The following ANKRD6 variants were observed in gnomAD, a reference collection of about 807,000 sequenced individuals.
The protein encoded by ANKRD6 is ankyrin repeat domain 6.
Under a neutral mutation model 82.3 loss-of-function variants are expected in ANKRD6, and 56 were observed. That is an observed-to-expected ratio of 0.68 (90% CI 0.55 to 0.85). The LOEUF is 0.85. Among genes scored for constraint, ANKRD6 ranks in the 40% least tolerant of loss-of-function variants. The pLI, the probability that ANKRD6 is intolerant of heterozygous loss-of-function variation, is 0.00. For missense variants in ANKRD6, 852 were observed against 907.6 expected, an observed-to-expected ratio of 0.94 and a Z score of 0.79; for synonymous variants, 347 against 352.1, an observed-to-expected ratio of 0.99 and a Z score of 0.16.
chr6:89,573,555 C>A (rs867622748), intron 2 of ANKRD6, among the ~76,000 whole-genome samples: 1 of 152,114 alleles, frequency 6.6e-6, no homozygotes, highest in South Asian at 2.1e-4. Flanking sequence ...TGTATTAGAT[C>A]CCTGTTTGCT....
chr6:89,596,032 T>G lies in ANKRD6; in HGVS notation c.219+18T>G. ...AGGATGATGTGAGTAGAAGCCATCA[T>G]TCTATCAGGCTGAGTTGGCAGGGGA... On this transcript the variant is annotated intron_variant, in intron 3 of 15. Transcript: ENST00000339746. 2 of 1,593,966 alleles carry G rather than the reference T, an allele frequency of 1.3e-6. No individual in the cohort carries two copies. Among genetic ancestry groups the G allele is most frequent in the Non-Finnish European group, 1.7e-6 (2 of 1,168,988 alleles).
intron 5 of ANKRD6, among the ~76,000 whole-genome samples, chr6:89,607,017 A>G (rs925274369): frequency 2.6e-5 from 4 of 152,102 alleles, no homozygotes; most frequent in Non-Finnish European, 5.9e-5. Context: ...TAAAAATACA[A>G]AAAATTAGCT....
intron 2 of ANKRD6, among the ~76,000 whole-genome samples, chr6:89,570,710 A>G (rs948073037): frequency 1.3e-5 from 2 of 152,224 alleles, no homozygotes; most frequent in Non-Finnish European, 2.9e-5. Flanking sequence ...CTCATGTAGC[A>G]TGTACCAGAA....
chr6:89,602,800 C>G, intron 3 of ANKRD6: 1 of 523,626 alleles, frequency 1.9e-6, no homozygotes, highest in East Asian at 3.1e-5. Context: ...TTGCTGTCGG[C>G]TTAAGGTCCC....
chr6:89,492,003 CAT>C (rs914116976), intron 1 of ANKRD6, among the ~76,000 whole-genome samples: 10 of 152,186 alleles, frequency 6.6e-5, no homozygotes, highest in African/African-American at 1.7e-4. Context: ...TAAAAAAATA[CAT>C]GTTTCCCTAT....
At chr6:89,578,183 A>G (rs896511481) in intron 2 of ANKRD6, among the ~76,000 whole-genome samples, 1 of 151,460 alleles carries the variant, frequency 6.6e-6, no homozygotes, top group Admixed American at 6.6e-5. Flanking sequence ...CCACAAATGT[A>G]TGCTTTCATT....
intron 1 of ANKRD6, among the ~76,000 whole-genome samples, chr6:89,451,817 G>A (rs953130933): frequency 6.6e-6 from 1 of 152,074 alleles, no homozygotes; most frequent in Non-Finnish European, 1.5e-5. Flanking sequence ...GGACTTCTGT[G>A]GTTTCTTATT....
intron 1 of ANKRD6, among the ~76,000 whole-genome samples, chr6:89,523,288 A>T (rs2127973647): frequency 6.6e-6 from 1 of 152,294 alleles, no homozygotes; most frequent in South Asian, 2.1e-4. Context: ...CCTTCATGGG[A>T]AAGGCCAGGG....
chr6:89,612,324 C>T lies in ANKRD6; in HGVS notation c.470C>T (p.Thr157Met), dbSNP rs563658021. The T allele has an allele frequency of 2.6e-5, 41 of 1,566,160 alleles. No individual in the cohort carries two copies. In the East Asian group the frequency reaches 3.3e-4, roughly 13 times the overall value. The change falls in exon 6 of 16, where the codon ACG (threonine) becomes ATG (methionine). Residue 157 changes from threonine to methionine, a missense_variant. Coordinates refer to ENST00000339746, the MANE Select transcript of ANKRD6 (RefSeq NM_001242809.2). ...TGCCAGAACAGCCACTCCCAGAGCA[C>T]GCGCGTCCTCCTGCTGGCCGGGTCC... is the stretch of plus-strand genomic sequence containing the variant. ...LACQNSHSQSTRVLLLAGSRA... is the reference protein window; with the variant it reads ...LACQNSHSQSMRVLLLAGSRA...
At chr6:89,618,155 G>C (rs1258884237) in intron 9 of ANKRD6, 124 bp downstream of exon 9, 1 of 1,050,382 alleles carries the variant, frequency 9.5e-7, no homozygotes, top group Non-Finnish European at 1.5e-6. Flanking sequence ...CCAGGCAGTG[G>C]AGGTATAGGC....
chr6:89,471,963 A>AAG lies in ANKRD6; in HGVS notation c.-144+38600_-144+38601dup, dbSNP rs1219754877. The stretch of plus-strand genomic sequence containing the variant: ...TCAAAAAAAAAAAAAAAAAAAAAAA[A>AAG]AGAGAGAGAGAGAAGGAGGAGAGAA... On this transcript the variant is annotated intron_variant, in intron 1 of 15. Coordinates refer to ENST00000339746, the MANE Select transcript of ANKRD6 (RefSeq NM_001242809.2). Among the ~76,000 whole-genome samples the AAG allele has an allele frequency of 7.4e-3, 1,064 of 143,280 alleles. 19 individuals carry two copies. Among genetic ancestry groups the AAG allele is most frequent in the African/African-American group, 0.012 (441 of 36,898 alleles). The allele number at this position is 143,280 out of a possible 152,430, so 94.0% of individuals were successfully genotyped here. A position where few individuals can be genotyped will look rare whatever the true frequency, so the allele number is the denominator to read the frequency against.
chr6:89,624,157 C>A, intron 12 of ANKRD6, 100 bp downstream of exon 12: 1 of 1,316,594 alleles, frequency 7.6e-7, no homozygotes, highest in Non-Finnish European at 1.0e-6. Flanking sequence ...TAGGCATTGA[C>A]TTAGTTGAGC....
intron 1 of ANKRD6, among the ~76,000 whole-genome samples, chr6:89,434,221 G>C (rs939672200): frequency 5.3e-5 from 8 of 152,154 alleles, no homozygotes; most frequent in Non-Finnish European, 8.8e-5. Context: ...CTAAACTGCA[G>C]GTATTGTACA....
intron 1 of ANKRD6, among the ~76,000 whole-genome samples, chr6:89,435,369 A>G (rs892092658): frequency 6.6e-6 from 1 of 152,094 alleles, no homozygotes; most frequent in African/African-American, 2.4e-5. Flanking sequence ...CCTCCCACCC[A>G]AGGAACCACT....
rs2128289539 is a variant in ANKRD6 at position 89,631,351 on chromosome 6, A to G, written c.*347A>G. On this transcript the variant is annotated 3_prime_UTR_variant, in exon 16 of 16. Transcript: ENST00000339746. ...CTCTAAAATTCAAGATGTGTGAAAT[A>G]ATATAAGTCAAAAGCAAGAAAAACG... The G allele has an allele frequency of 5.6e-6, 1 of 179,232 alleles. No homozygotes were observed. The highest frequency in any genetic ancestry group is 1.5e-4 in the East Asian group (1 of 6,862). The allele number at this position is 179,232 out of a possible 1,614,324, so 11.1% of individuals were successfully genotyped here.
chr6:89,519,605 G>A (rs1168699609), intron 1 of ANKRD6, among the ~76,000 whole-genome samples: 1 of 152,206 alleles, frequency 6.6e-6, no homozygotes, highest in African/African-American at 2.4e-5. Flanking sequence ...GTGGAAATAA[G>A]TAGGCAGTTG....
intron 1 of ANKRD6, among the ~76,000 whole-genome samples, chr6:89,552,204 A>G (rs1785947368): frequency 6.6e-6 from 1 of 152,254 alleles, no homozygotes; most frequent in Admixed American, 6.5e-5. Context: ...CTGACTTCAG[A>G]CAGGGTATTC....
intron 1 of ANKRD6, among the ~76,000 whole-genome samples, chr6:89,563,903 C>T (rs1787927686): frequency 1.3e-5 from 2 of 152,074 alleles, no homozygotes; most frequent in South Asian, 4.2e-4. Flanking sequence ...TCTGCTTGGC[C>T]TGCACCTGGT....
At chr6:89,570,947 A>G (rs1789729817) in intron 2 of ANKRD6, among the ~76,000 whole-genome samples, 1 of 152,160 alleles carries the variant, frequency 6.6e-6, no homozygotes, top group Non-Finnish European at 1.5e-5. Flanking sequence ...GTTTTGGGTA[A>G]CTTCCATACT....
Sources: allele counts gnomAD v4.1 joint callset (sites outside exome capture counted in the v4.1 genomes callset), GRCh38; gene constraint gnomAD v4.1.1; transcripts MANE v1.5; gene names NCBI Gene and HGNC (gene_info 2026-07-23, HGNC 2026-07-21).